RAB3GAP1: variants seen among roughly 807,000 people sequenced by gnomAD.
RAB3GAP1 encodes the protein RAB3 GTPase activating protein catalytic subunit 1, also known as rab3 GTPase-activating protein catalytic subunit.
A neutral mutation model predicts 130.7 loss-of-function variants in RAB3GAP1; 86 were observed. The observed-to-expected ratio is 0.66, with a 90% CI of 0.55 to 0.79. The LOEUF (loss-of-function observed/expected upper bound fraction) is 0.79. RAB3GAP1 is among the 30% of genes least tolerant of loss of function. The pLI, the probability that RAB3GAP1 is intolerant of heterozygous loss-of-function variation, is 0.00. For missense variants in RAB3GAP1, 1,029 were observed against 1,169.4 expected (o/e 0.88, Z 1.75); for synonymous variants, 367 against 401.7 (o/e 0.91, Z 1.03).
chr2:135,117,805 C>CT (rs1691073141), intron 7 of RAB3GAP1, among the ~76,000 whole-genome samples: 1 of 147,496 alleles, frequency 6.8e-6, no homozygotes. Flanking sequence ...TCTTCTTCTT[C>CT]TTCTTTCTTC....
intron 2 of RAB3GAP1, among the ~76,000 whole-genome samples, chr2:135,055,678 CAAA>C (rs1209770688): frequency 3.3e-4 from 22 of 65,768 alleles, no homozygotes; most frequent in Admixed American, 5.1e-4. Context: ...GACCCTGTCT[CAAA>C]AAAAAAAAAA....
intron 4 of RAB3GAP1, among the ~76,000 whole-genome samples, chr2:135,091,661 T>C (rs1175684602): frequency 6.6e-6 from 1 of 152,194 alleles, no homozygotes; most frequent in Non-Finnish European, 1.5e-5. Flanking sequence ...CCATCTAAGC[T>C]TGAGTTATCT....
At chr2:135,138,058 C>T (rs766977346) in intron 17 of RAB3GAP1, among the ~76,000 whole-genome samples, 1 of 151,882 alleles carries the variant, frequency 6.6e-6, no homozygotes, top group Non-Finnish European at 1.5e-5. Context: ...AATTCCTGAA[C>T]TCAAGCCATC....
chr2:135,082,878 T>A (rs1359760319), intron 3 of RAB3GAP1, among the ~76,000 whole-genome samples: 4 of 152,192 alleles, frequency 2.6e-5, no homozygotes, highest in African/African-American at 7.2e-5. Context: ...CCCCTATCCC[T>A]GTTGTGGATA....
In RAB3GAP1 at chr2:135,052,407, T is replaced by C. The variant is rs770753377; in HGVS notation, c.19-23T>C. The C allele has an allele frequency of 2.4e-5, 39 of 1,614,058 alleles. No homozygotes were observed. The South Asian group carries it at 4.3e-4, about 18-fold the overall frequency. ...CTTCGCCTTGGGGCTTAATTTCTTT[T>C]TCTCTCCTTCCCCTTCCCGCAGCCC... On this transcript the variant is annotated intron_variant, in intron 1 of 23. Transcript: ENST00000264158.
chr2:135,159,397 C>T (rs1253993268), intron 19 of RAB3GAP1, among the ~76,000 whole-genome samples: 1 of 152,212 alleles, frequency 6.6e-6, no homozygotes, highest in African/African-American at 2.4e-5. Context: ...GTACTCCTGA[C>T]ATGATGTGAT....
At chr2:135,174,291 G>GA (rs5834438), downstream of RAB3GAP1, among the ~76,000 whole-genome samples, 3 of 145,628 alleles carry the variant, frequency 2.1e-5, no homozygotes, top group East Asian at 6.3e-4. Flanking sequence ...TCAGGGTTGG[G>GA]CCCTGCCACC....
intron 5 of RAB3GAP1, among the ~76,000 whole-genome samples, chr2:135,094,452 G>A (rs180681320): frequency 6.1e-4 from 92 of 151,616 alleles, no homozygotes; most frequent in African/African-American, 2.0e-3. Context: ...TTAACTATAG[G>A]CACCCTATTT....
intron 5 of RAB3GAP1, among the ~76,000 whole-genome samples, chr2:135,094,955 A>G (rs1690249034): frequency 6.6e-6 from 1 of 152,148 alleles, no homozygotes; most frequent in Non-Finnish European, 1.5e-5. Context: ...ATTGATGGGT[A>G]CTTAGGTTGA....
chr2:135,096,574 G>A (rs1484630916), intron 5 of RAB3GAP1, among the ~76,000 whole-genome samples: 1 of 152,048 alleles, frequency 6.6e-6, no homozygotes, highest in Non-Finnish European at 1.5e-5. Flanking sequence ...TACATTTAAT[G>A]TGACTAAATT....
intron 7 of RAB3GAP1, among the ~76,000 whole-genome samples, chr2:135,117,663 G>GCTTCTTCTGCTT (rs1553445303): frequency 2.5e-5 from 1 of 39,852 alleles, no homozygotes; most frequent in African/African-American, 5.2e-5. Flanking sequence ...TGCTTCTTCT[G>GCTTCTTCTGCTT]CTTCTGCTTC....
chr2:135,130,781 C>T, intron 13 of RAB3GAP1, 60 bp downstream of exon 13: 1 of 1,489,932 alleles, frequency 6.7e-7, no homozygotes, highest in Non-Finnish European at 9.3e-7. Flanking sequence ...ATTATATAGC[C>T]AGTTCCTTTT....
At chr2:135,113,109 C>T in intron 5 of RAB3GAP1, 42 bp from the exon 6 acceptor site, 1 of 1,613,334 alleles carries the variant, frequency 6.2e-7, no homozygotes, top group Non-Finnish European at 8.5e-7. Context: ...TTTTTGTGTT[C>T]TGAGGTTTCC....
Position 135,140,817 on chromosome 2 carries a change from G to A in RAB3GAP1, c.1923+4885G>A, listed in dbSNP as rs538722584. Reference sequence around the variant, plus strand: ...TTTGCACAAAGTGTTTAGGCATAGTGAGTCATTTTTATCAGTTCTGGGAAT... The same window carrying A: ...TTTGCACAAAGTGTTTAGGCATAGTAAGTCATTTTTATCAGTTCTGGGAAT... On this transcript the variant is annotated intron_variant, in intron 17 of 23. Coordinates refer to ENST00000264158, the MANE Select transcript of RAB3GAP1 (RefSeq NM_012233.3). 7.9e-5 allele frequency among the ~76,000 whole-genome samples: 12 copies of A among 152,308 alleles called. No individual in the cohort carries two copies. The South Asian group carries it at 2.5e-3, about 32-fold the overall frequency.
chr2:135,090,460 G>GA (rs1435335319), intron 3 of RAB3GAP1, among the ~76,000 whole-genome samples: 1 of 152,112 alleles, frequency 6.6e-6, no homozygotes, highest in Non-Finnish European at 1.5e-5. Context: ...AGCTCTGTGG[G>GA]AAAAATCCTT....
intron 23 of RAB3GAP1, chr2:135,167,616 C>A: frequency 8.2e-7 from 1 of 1,222,182 alleles, no homozygotes; most frequent in Non-Finnish European, 1.2e-6. Flanking sequence ...TAATCCTGAA[C>A]TCCCTTGTCT....
chr2:135,078,614 T>G, intron 3 of RAB3GAP1, among the ~76,000 whole-genome samples: 1 of 145,586 alleles, frequency 6.9e-6, no homozygotes, highest in Admixed American at 7.0e-5. Context: ...ATCCCCCCAT[T>G]ATTTCCTTCT....
At chr2:135,089,939 GAGGGGAGGGCT>G in intron 3 of RAB3GAP1, 1 of 242,616 alleles carries the variant, frequency 4.1e-6, no homozygotes, top group Non-Finnish European at 8.8e-6. Context: ...CCTGTTGCGG[GAGGGGAGGGCT>G]AGGGGAGGGA....
chr2:135,071,463 T>G (rs562384345), intron 3 of RAB3GAP1, among the ~76,000 whole-genome samples: 1 of 152,146 alleles, frequency 6.6e-6, no homozygotes, highest in African/African-American at 2.4e-5. Flanking sequence ...AATTCCTTTC[T>G]GTTGTGGGTA....
Sources: allele counts gnomAD v4.1 joint callset (sites outside exome capture counted in the v4.1 genomes callset), GRCh38; gene constraint gnomAD v4.1.1; transcripts MANE v1.5; gene names NCBI Gene and HGNC (gene_info 2026-07-23, HGNC 2026-07-21).